The following LOC128125818 variants were observed in gnomAD, a reference collection of about 807,000 sequenced individuals.
the LOC128125818 span, among the ~76,000 whole-genome samples, chr4:6,067,421 C>T: frequency 6.6e-6 from 1 of 152,180 alleles, no homozygotes; most frequent in Non-Finnish European, 1.5e-5. This position sits in a 1 kb window ranked among gnomAD's most constrained non-coding sequence, Gnocchi z 4.6. Flanking sequence ...TCATTTCTCT[C>T]CTTGCAGAGG....
the LOC128125818 span, among the ~76,000 whole-genome samples, chr4:6,066,624 C>T: frequency 4.6e-5 from 7 of 152,222 alleles, no homozygotes; most frequent in East Asian, 5.8e-4. Context: ...GTTGCCCAGG[C>T]CCCAATCCCA....
At chr4:6,068,705 G>A in the LOC128125818 span, among the ~76,000 whole-genome samples, 35 of 151,924 alleles carry the variant, frequency 2.3e-4, 1 homozygote, top group African/African-American at 6.5e-4. Flanking sequence ...TTACAGGTGC[G>A]TGCCACCACA....
chr4:6,068,872 A>T, the LOC128125818 span, among the ~76,000 whole-genome samples: 1 of 152,184 alleles, frequency 6.6e-6, no homozygotes, highest in African/African-American at 2.4e-5. Context: ...GCCCAGCCTT[A>T]ACATTTTTTT....
chr4:6,070,010 G>C, the LOC128125818 span: 7 of 398,456 alleles, frequency 1.8e-5, no homozygotes, highest in Non-Finnish European at 2.7e-5. Context: ...CACAGCCAGG[G>C]ACCGCCAGAG....
chr4:6,065,123 G>C, the LOC128125818 span: 1 of 1,308,468 alleles, frequency 7.6e-7, no homozygotes, highest in East Asian at 2.3e-5. This position sits in a 1 kb window ranked among gnomAD's most constrained non-coding sequence, Gnocchi z 5.1. Context: ...TGGGCCACTG[G>C]GGCATCACAA....
At chr4:6,065,063 C>A in the LOC128125818 span, 1 of 1,608,994 alleles carries the variant, frequency 6.2e-7, no homozygotes, top group South Asian at 1.1e-5. This position sits in a 1 kb window ranked among gnomAD's most constrained non-coding sequence, Gnocchi z 5.1. Context: ...CCAGAGTCTA[C>A]CAGTCCCTGG....
the LOC128125818 span, among the ~76,000 whole-genome samples, chr4:6,068,607 G>C: frequency 7.5e-4 from 112 of 148,578 alleles, 1 homozygote; most frequent in African/African-American, 2.6e-3. Flanking sequence ...GCCCAGGCTG[G>C]AGAGCAGTAG....
At chr4:6,066,709 T>A in the LOC128125818 span, among the ~76,000 whole-genome samples, 1 of 151,962 alleles carries the variant, frequency 6.6e-6, no homozygotes, top group Non-Finnish European at 1.5e-5. Flanking sequence ...CACCTTCAAC[T>A]CAAAATCCAG....
chr4:6,068,170 T>A, the LOC128125818 span, among the ~76,000 whole-genome samples: 1 of 152,166 alleles, frequency 6.6e-6, no homozygotes, highest in Non-Finnish European at 1.5e-5. Context: ...TAACTACCAA[T>A]GCTGCCGAAA....
At chr4:6,065,331 C>A in the LOC128125818 span, among the ~76,000 whole-genome samples, 2 of 152,234 alleles carry the variant, frequency 1.3e-5, no homozygotes, top group African/African-American at 4.8e-5. This position sits in a 1 kb window ranked among gnomAD's most constrained non-coding sequence, Gnocchi z 5.1. Flanking sequence ...GAGAAGCCAC[C>A]TCACCTGTGA....
the LOC128125818 span, among the ~76,000 whole-genome samples, chr4:6,066,999 G>A: frequency 6.6e-6 from 1 of 152,080 alleles, no homozygotes; most frequent in Admixed American, 6.6e-5. Context: ...TTAGGTCTCT[G>A]CACAAATGCA....
At chr4:6,067,299 C>G in the LOC128125818 span, among the ~76,000 whole-genome samples, 1 of 152,188 alleles carries the variant, frequency 6.6e-6, no homozygotes, top group Non-Finnish European at 1.5e-5. The surrounding 1 kb of genome is among the most constrained non-coding windows in gnomAD (Gnocchi z 4.6). Context: ...GCACATGACA[C>G]CATTTCCATT....
At chr4:6,068,296 A>G in the LOC128125818 span, among the ~76,000 whole-genome samples, 1 of 152,206 alleles carries the variant, frequency 6.6e-6, no homozygotes, top group African/African-American at 2.4e-5. Flanking sequence ...GCCTAACTCC[A>G]GACCCAGTGG....
At chr4:6,066,170 C>T in the LOC128125818 span, among the ~76,000 whole-genome samples, 1 of 152,124 alleles carries the variant, frequency 6.6e-6, no homozygotes, top group Non-Finnish European at 1.5e-5. Flanking sequence ...ACAGAGAAAA[C>T]CCAGGCACTC....
the LOC128125818 span, chr4:6,069,938 T>C: frequency 1.8e-5 from 7 of 395,586 alleles, no homozygotes; most frequent in Non-Finnish European, 2.7e-5. This position sits in a 1 kb window ranked among gnomAD's most constrained non-coding sequence, Gnocchi z 4.5. Flanking sequence ...CAGCCACCTG[T>C]CTTCTCACCT....
the LOC128125818 span, among the ~76,000 whole-genome samples, chr4:6,068,362 T>C: frequency 3.9e-5 from 6 of 152,086 alleles, no homozygotes; most frequent in Non-Finnish European, 8.8e-5. Flanking sequence ...CACAGAACTA[T>C]GCTGCTTTGA....
chr4:6,066,333 TAC>T, the LOC128125818 span, among the ~76,000 whole-genome samples: 1 of 152,180 alleles, frequency 6.6e-6, no homozygotes, highest in Non-Finnish European at 1.5e-5. Context: ...CTTGTCACCT[TAC>T]ACAGTTTCTG....
chr4:6,069,869 A>G, the LOC128125818 span, among the ~76,000 whole-genome samples: 1 of 152,164 alleles, frequency 6.6e-6, no homozygotes, highest in Admixed American at 6.5e-5. This position sits in a 1 kb window ranked among gnomAD's most constrained non-coding sequence, Gnocchi z 4.5. Context: ...GATGAAGCAG[A>G]GGGAAAAAGA....
chr4:6,065,345 C>T, the LOC128125818 span, among the ~76,000 whole-genome samples: 1 of 152,208 alleles, frequency 6.6e-6, no homozygotes, highest in Admixed American at 6.5e-5. The surrounding 1 kb of genome is among the most constrained non-coding windows in gnomAD (Gnocchi z 5.1). Context: ...CCTGTGAGCA[C>T]AAAAGGGGGC....
Sources: allele counts gnomAD v4.1 joint callset (sites outside exome capture counted in the v4.1 genomes callset), GRCh38; gene constraint gnomAD v4.1.1; non-coding constraint Gnocchi (gnomAD v3.1); transcripts MANE v1.5.